The following MAPT variants were observed in gnomAD, a reference collection of about 807,000 sequenced individuals.
MAPT encodes the protein microtubule-associated protein tau.
MAPT carries 34 observed loss-of-function variants against 67.9 expected under a neutral mutation model. The ratio of observed to expected loss-of-function variants is 0.50; its 90% CI spans 0.38 to 0.67. MAPT has a LOEUF of 0.67. Ranked by LOEUF, MAPT falls within the 30% of genes least tolerant of loss-of-function variation. The pLI, the probability that MAPT is intolerant of heterozygous loss-of-function variation, is 0.00. For missense variants in MAPT, 881 were observed against 1,115.2 expected, an observed-to-expected ratio of 0.79 and a Z score of 2.99; for synonymous variants, 456 against 464.5, an observed-to-expected ratio of 0.98 and a Z score of 0.23.
Position 45,958,022 on chromosome 17 carries a change from T to A in MAPT, c.-17-4299T>A, listed in dbSNP as rs118140975. 2.4e-4 allele frequency among the ~76,000 whole-genome samples: 36 copies of A among 152,290 alleles called. No individual in the cohort carries two copies. The East Asian group carries it at 6.9e-3, about 29-fold the overall frequency. ...TGACAGATAAGCAGGACAGAGTGCA[T>A]GGTGCATTCACCTGGGGAAGAGGGC... On this transcript the variant is annotated intron_variant, in intron 1 of 12. Coordinates refer to ENST00000262410, the MANE Select transcript of MAPT (RefSeq NM_001377265.1).
At chr17:45,989,167 C>T (rs2073853232) in intron 6 of MAPT, among the ~76,000 whole-genome samples, 1 of 152,020 alleles carries the variant, frequency 6.6e-6, no homozygotes, top group Non-Finnish European at 1.5e-5. Context: ...CCCTTCAGAC[C>T]CCGTGACACA....
chr17:45,970,243 C>T (rs74373419), intron 2 of MAPT, among the ~76,000 whole-genome samples: 22,012 of 152,296 alleles, frequency 0.14, 2,142 homozygotes, highest in Non-Finnish European at 0.22. Flanking sequence ...CATCCAATTA[C>T]ACATTCATAC....
chr17:45,916,164 C>G (rs2065193619), intron 1 of MAPT, among the ~76,000 whole-genome samples: 1 of 151,978 alleles, frequency 6.6e-6, no homozygotes, highest in Non-Finnish European at 1.5e-5. Context: ...TGGGGGCCGT[C>G]TCTACACCCA....
chr17:45,913,781 G>A (rs1234866048), intron 1 of MAPT, among the ~76,000 whole-genome samples: 6 of 152,204 alleles, frequency 3.9e-5, no homozygotes, highest in African/African-American at 9.7e-5. Context: ...GTACAAAGAG[G>A]GCTGCTCCCA....
intron 1 of MAPT, among the ~76,000 whole-genome samples, chr17:45,936,426 G>A (rs529384514): frequency 2.2e-4 from 34 of 152,302 alleles, no homozygotes; most frequent in African/African-American, 7.7e-4. Context: ...CACATGCGTG[G>A]GCATGGGACA....
intron 3 of MAPT, chr17:45,973,948 C>G (rs2072016429): frequency 5.5e-6 from 1 of 183,092 alleles, no homozygotes; most frequent in Non-Finnish European, 1.2e-5. Context: ...AGGAAACCGT[C>G]CAATCAAAAT....
chr17:45,970,542 T>A (rs940503165), intron 2 of MAPT, among the ~76,000 whole-genome samples: 9 of 152,232 alleles, frequency 5.9e-5, no homozygotes, highest in Non-Finnish European at 2.9e-5. Context: ...TTTACATGGA[T>A]GAGAACTAGA....
At position 45,943,056 on chromosome 17, in the gene MAPT, G is replaced by A. The variant is rs568919538; in HGVS notation, c.-17-19265G>A. Among the ~76,000 whole-genome samples the A allele has an allele frequency of 2.0e-5, 3 of 152,220 alleles. No individual in the cohort carries two copies. In the East Asian group the frequency reaches 5.8e-4, roughly 29 times the overall value. On this transcript the variant is annotated intron_variant, in intron 1 of 12. Coordinates refer to ENST00000262410, the MANE Select transcript of MAPT (RefSeq NM_001377265.1). Reference sequence around the variant, plus strand: ...AGATGTGTATGCTTGCCCTGGTATGGCACTTCTCTTTTTTTGAGACAGAAT... The same window carrying A: ...AGATGTGTATGCTTGCCCTGGTATGACACTTCTCTTTTTTTGAGACAGAAT...
chr17:45,983,664 C>T lies in MAPT; in HGVS notation c.1085C>T (p.Pro362Leu), dbSNP rs779330555. The T allele has an allele frequency of 2.5e-6, 4 of 1,614,054 alleles. No individual in the cohort carries two copies. Among genetic ancestry groups the T allele is most frequent in the Non-Finnish European group, 3.4e-6 (4 of 1,180,000 alleles). The change falls in exon 5 of 13, where the codon CCC becomes CTC. Residue 362 changes from proline (P) to leucine (L), a missense_variant. Coordinates refer to ENST00000262410, the MANE Select transcript of MAPT (RefSeq NM_001377265.1). ...TEIPASEPDG[P>L]SVGRAKGQDA... ...ATCCCAGCCTCAGAGCCCGACGGGC[C>T]CAGTGTAGGGCGGGCCAAAGGGCAG...
chr17:46,001,616 T>A (rs2435201), intron 9 of MAPT, among the ~76,000 whole-genome samples: 84,629 of 152,028 alleles, frequency 0.56, 23,682 homozygotes, highest in South Asian at 0.6. Flanking sequence ...TGAGCTATGA[T>A]CATACCACTA....
At position 45,901,941 on chromosome 17, in the gene MAPT, A is replaced by C. The variant is rs541717848; in HGVS notation, c.-18+7255A>C. Among the ~76,000 whole-genome samples, 48 of 142,992 alleles carry C rather than the reference A, an allele frequency of 3.4e-4. 1 individual carries two copies. In the South Asian group the frequency reaches 0.01, roughly 31 times the overall value. 93.8% of individuals were successfully genotyped at this position (142,992 alleles called of 152,430 possible). A position where few individuals can be genotyped will look rare whatever the true frequency, so the allele number is the denominator to read the frequency against. ...TTTTTTTTTTTTTTTCATGGTCTTT[A>C]CCATCCCATTTGATAGTAAATATTA... On this transcript the variant is annotated intron_variant, in intron 1 of 12. Transcript: ENST00000262410.
At chr17:45,959,237 G>A (rs2070109256) in intron 1 of MAPT, among the ~76,000 whole-genome samples, 1 of 152,110 alleles carries the variant, frequency 6.6e-6, no homozygotes, top group Admixed American at 6.5e-5. Context: ...CCAACGTCCT[G>A]CACCAGAGTG....
chr17:46,008,507 G>T (rs937960582), intron 9 of MAPT, among the ~76,000 whole-genome samples: 2 of 152,154 alleles, frequency 1.3e-5, no homozygotes, highest in African/African-American at 4.8e-5. Flanking sequence ...ACAACAAAAT[G>T]CAATCGTGAT....
chr17:46,008,749 T>TGA (rs1032114973), intron 9 of MAPT, among the ~76,000 whole-genome samples: 24 of 152,256 alleles, frequency 1.6e-4, no homozygotes, highest in African/African-American at 5.1e-4. Flanking sequence ...CAGCCCAGGC[T>TGA]GATGGGGCCT....
intron 2 of MAPT, among the ~76,000 whole-genome samples, chr17:45,963,805 G>C (rs1214446977): frequency 4.6e-5 from 7 of 152,118 alleles, no homozygotes; most frequent in Admixed American, 4.6e-4. Context: ...CTCGCACAGG[G>C]AGTGGCCATC....
intron 2 of MAPT, among the ~76,000 whole-genome samples, chr17:45,966,012 T>C (rs62063291): frequency 0.14 from 22,005 of 152,192 alleles, 2,139 homozygotes; most frequent in Non-Finnish European, 0.22. Flanking sequence ...TCCACCAAGC[T>C]CCCTTGGAAC....
At chr17:45,991,241 A>G (rs1394740990) in intron 7 of MAPT, among the ~76,000 whole-genome samples, 1 of 152,140 alleles carries the variant, frequency 6.6e-6, no homozygotes, top group Non-Finnish European at 1.5e-5. Context: ...CTGGGAGGAA[A>G]TGTCCTCAGG....
intron 9 of MAPT, among the ~76,000 whole-genome samples, chr17:45,998,219 C>T (rs192017686): frequency 6.6e-6 from 1 of 152,284 alleles, no homozygotes; most frequent in East Asian, 1.9e-4. Context: ...CACATGGGCA[C>T]CTTGCCTCAA....
intron 3 of MAPT, chr17:45,978,060 G>T: frequency 2.6e-6 from 1 of 385,310 alleles, no homozygotes; most frequent in Non-Finnish European, 4.8e-6. Context: ...TTGCTTCTCT[G>T]ACCTCACTCA....
Sources: allele counts gnomAD v4.1 joint callset (sites outside exome capture counted in the v4.1 genomes callset), GRCh38; gene constraint gnomAD v4.1.1; transcripts MANE v1.5; gene names NCBI Gene and HGNC (gene_info 2026-07-23, HGNC 2026-07-21).